Variants in NAE1 observed in about 807,000 individuals in gnomAD.
NAE1 encodes NEDD8 activating enzyme E1 subunit 1.
Under a neutral mutation model 88.0 loss-of-function variants are expected in NAE1, and 59 were observed. The ratio of observed to expected loss-of-function variants is 0.67; its 90% confidence interval spans 0.54 to 0.83. The LOEUF (loss-of-function observed/expected upper bound fraction) is 0.83, where lower values mean the gene tolerates loss of function less well. Ranked by LOEUF, NAE1 falls within the 40% of genes least tolerant of loss-of-function variation. The pLI, the probability that NAE1 is intolerant of heterozygous loss-of-function variation, is 0.00. For synonymous variants in NAE1, 186 were observed against 208.9 expected, an observed-to-expected ratio of 0.89 and a Z score of 0.95; for missense variants, 554 against 632.8, an observed-to-expected ratio of 0.88 and a Z score of 1.34.
intron 13 of NAE1, among the ~76,000 whole-genome samples, chr16:66,811,487 C>T (rs1336600428): frequency 6.6e-6 from 1 of 152,082 alleles, no homozygotes; most frequent in East Asian, 1.9e-4. Flanking sequence ...ACATGCTCTA[C>T]CTCTGATTGT....
Position 66,816,983 on chromosome 16 carries a change from T to C in NAE1, c.730A>G (p.Arg244Gly). The change falls in exon 10 of 20, where the codon AGA (arginine) becomes GGA (glycine). Residue 244 changes from arginine (R) to glycine (G), a missense_variant. Transcript: ENST00000290810. Reference sequence around the variant, plus strand: ...ATATTACCTTGTCTAATCAAATCTCTGAAGTCCTCTTTTTCTTTATACGTT... The same window carrying C: ...ATATTACCTTGTCTAATCAAATCTCCGAAGTCCTCTTTTTCTTTATACGTT... ...PKTYKEKEDF[R>G]DLIRQGILKN... 1.9e-6 allele frequency: 3 copies of C among 1,599,964 alleles called. No individual in the cohort carries two copies. The highest frequency in any genetic ancestry group is 2.6e-6 in the Non-Finnish European group (3 of 1,176,442).
chr16:66,825,931 G>T (rs1327448215), intron 3 of NAE1, among the ~76,000 whole-genome samples: 1 of 152,118 alleles, frequency 6.6e-6, no homozygotes, highest in Admixed American at 6.6e-5. Context: ...CTGGCACTAC[G>T]ATCCAAAGAA....
intron 4 of NAE1, 38 bp downstream of exon 4, chr16:66,824,817 T>C (rs1249360169): frequency 5.1e-6 from 8 of 1,564,786 alleles, no homozygotes; most frequent in Non-Finnish European, 7.0e-6. Flanking sequence ...GGGGCATCAT[T>C]AGATGCTCAC....
At chr16:66,824,632 A>G (rs1199524939) in intron 4 of NAE1, 4 of 365,238 alleles carry the variant, frequency 1.1e-5, no homozygotes, top group Non-Finnish European at 2.0e-5. Flanking sequence ...TATTAACATT[A>G]CTCAAGATTT....
intron 11 of NAE1, among the ~76,000 whole-genome samples, chr16:66,815,379 G>C (rs1960002257): frequency 6.6e-6 from 1 of 152,074 alleles, no homozygotes. Context: ...TTGGACACAG[G>C]GTCTCATATC....
At chr16:66,827,790 A>G in intron 1 of NAE1, 1 of 576,866 alleles carries the variant, frequency 1.7e-6, no homozygotes, top group Non-Finnish European at 3.1e-6. Flanking sequence ...CCTGATTTAA[A>G]GCAGATTACC....
At chr16:66,817,684 CTAT>C (rs778760097) in intron 8 of NAE1, among the ~76,000 whole-genome samples, 197 bp from the exon 9 acceptor site, 1 of 152,100 alleles carries the variant, frequency 6.6e-6, no homozygotes. Flanking sequence ...CACATATATA[CTAT>C]GATTGTCCCC....
At position 66,826,706 on chromosome 16, in the gene NAE1, G is replaced by T. The variant is rs199964855; in HGVS notation, c.128C>A (p.Thr43Asn). The part of the protein sequence containing the change: ...VCLINATATG[T>N]EILKNLVLPG... The stretch of plus-strand genomic sequence containing the variant: ...TAGTACCAAGTTTTTAAGAATTTCA[G>T]TTCCTGTGGCTGTTGCATTTATTAG... The change falls in exon 2 of 20, where the codon ACT (threonine) becomes AAT (asparagine). Residue 43 changes from threonine (T) to asparagine (N), a missense_variant. By Grantham distance (65) the Thr-to-Asn change is moderately conservative. Transcript: ENST00000290810. 6.2e-7 allele frequency: 1 copy of T among 1,614,128 alleles called. No homozygotes were observed. Among genetic ancestry groups the T allele is most frequent in the Non-Finnish European group, 8.5e-7 (1 of 1,180,030 alleles).
At chr16:66,804,953 T>C (rs750661716) in intron 19 of NAE1, among the ~76,000 whole-genome samples, 1 of 152,174 alleles carries the variant, frequency 6.6e-6, no homozygotes, top group Non-Finnish European at 1.5e-5. Flanking sequence ...TTATTGTTTA[T>C]AAGTCTATGA....
intron 5 of NAE1, 102 bp from the exon 6 acceptor site, chr16:66,823,408 A>G: frequency 7.7e-7 from 1 of 1,290,986 alleles, no homozygotes; most frequent in South Asian, 1.3e-5. Context: ...AAATGAGGCA[A>G]CAATTCCAAT....
intron 9 of NAE1, 174 bp from the exon 10 acceptor site, chr16:66,817,202 T>C (rs1286082030): frequency 1.1e-6 from 1 of 950,290 alleles, no homozygotes; most frequent in African/African-American, 1.7e-5. Flanking sequence ...TCTACATTCA[T>C]TCCCCCTGCC....
chr16:66,804,183 A>T (rs1959469790), intron 19 of NAE1, among the ~76,000 whole-genome samples: 1 of 151,998 alleles, frequency 6.6e-6, no homozygotes, highest in Non-Finnish European at 1.5e-5. Context: ...AACCTGAAGG[A>T]AGTGAAGGGA....
At chr16:66,820,697 T>C (rs560242529) in intron 7 of NAE1, among the ~76,000 whole-genome samples, 5 of 151,978 alleles carry the variant, frequency 3.3e-5, no homozygotes, top group South Asian at 2.1e-4. Context: ...GTCAGGAGAT[T>C]GAGACCATCC....
chr16:66,826,461 G>A, intron 3 of NAE1, 62 bp downstream of exon 3: 2 of 1,499,214 alleles, frequency 1.3e-6, no homozygotes, highest in African/African-American at 1.4e-5. Context: ...CTGAGGAGGT[G>A]AAGCTAAGAC....
chr16:66,821,354 T>A lies in NAE1; in HGVS notation c.511+96A>T, dbSNP rs1960250448. 4 of 1,366,118 alleles carry A rather than the reference T, an allele frequency of 2.9e-6. No individual in the cohort carries two copies. The African/African-American group carries it at 6.0e-5, about 20-fold the overall frequency. The allele number at this position is 1,366,118 out of a possible 1,614,324, so 84.6% of individuals were successfully genotyped here. A position where few individuals can be genotyped will look rare whatever the true frequency, so the allele number is the denominator to read the frequency against. On this transcript the variant is annotated intron_variant, in intron 7 of 19. Transcript: ENST00000290810. ...CAACTAGAGATGTGCTGCTACAAAT[T>A]TACTTTGTAATTTAAAACTGACTTT...
intron 1 of NAE1, chr16:66,827,802 C>T: frequency 1.7e-6 from 1 of 591,452 alleles, no homozygotes; most frequent in Non-Finnish European, 3.0e-6. Context: ...CAGATTACCC[C>T]TTATTATGTA....
intron 4 of NAE1, 89 bp from the exon 5 acceptor site, chr16:66,823,689 A>G: frequency 2.1e-6 from 2 of 971,832 alleles, no homozygotes; most frequent in Non-Finnish European, 3.0e-6. Flanking sequence ...AACATACTGT[A>G]AAACTATCCA....
At chr16:66,825,696 A>T (rs1204895833) in intron 3 of NAE1, among the ~76,000 whole-genome samples, 1 of 152,100 alleles carries the variant, frequency 6.6e-6, no homozygotes, top group Non-Finnish European at 1.5e-5. Flanking sequence ...CGTAACTGTA[A>T]CAGATTTATT....
chr16:66,825,871 A>G lies in NAE1; in HGVS notation c.218+652T>C, dbSNP rs1027149476. Among the ~76,000 whole-genome samples, 114 of 152,306 alleles carry G rather than the reference A, an allele frequency of 7.5e-4. 1 individual carries two copies. Among genetic ancestry groups the G allele is most frequent in the African/African-American group, 2.5e-3 (103 of 41,566 alleles). ...ACCCACCAAGTAAGCAAAGATAACA[A>G]GACTTCTTGGTATATATCAATAAAA... On this transcript the variant is annotated intron_variant, in intron 3 of 19. Transcript: ENST00000290810.
Sources: allele counts gnomAD v4.1 joint callset (sites outside exome capture counted in the v4.1 genomes callset), GRCh38; gene constraint gnomAD v4.1.1; transcripts MANE v1.5; gene names NCBI Gene and HGNC (gene_info 2026-07-23, HGNC 2026-07-21).